Variants in EHBP1L1 observed in about 807,000 individuals in gnomAD.
EHBP1L1 encodes EH domain-binding protein 1-like protein 1.
In EHBP1L1, 122 loss-of-function variants were observed where a neutral mutation model predicts 151.1. The observed-to-expected ratio is 0.81, with a 90% CI of 0.70 to 0.94. The LOEUF (loss-of-function observed/expected upper bound fraction) is 0.94. Among genes scored for constraint, EHBP1L1 ranks in the 40% least tolerant of loss-of-function variants. The pLI, the probability that EHBP1L1 is intolerant of heterozygous loss-of-function variation, is 0.00. For synonymous variants in EHBP1L1, 878 were observed against 810.1 expected (o/e 1.08, Z -1.42); for missense variants, 1,941 against 1,959.8 (o/e 0.99, Z 0.18).
At position 65,592,464 on chromosome 11, in the gene EHBP1L1, A is replaced by C; in HGVS notation, c.*162A>C. 2.6e-5 allele frequency: 9 copies of C among 341,396 alleles called. No homozygotes were observed. Among genetic ancestry groups the C allele is most frequent in the East Asian group, 1.1e-4 (1 of 9,446 alleles). 21.1% of individuals were successfully genotyped at this position (341,396 alleles called of 1,614,324 possible). A position where few individuals can be genotyped will look rare whatever the true frequency, so the allele number is the denominator to read the frequency against. ...CAGGGCAGGGCGGATCCCCGACCCC[A>C]CGGGCGGGGCGGCCGCCGTATTTAT... On this transcript the variant is annotated 3_prime_UTR_variant, in exon 19 of 19. Coordinates refer to ENST00000309295, the MANE Select transcript of EHBP1L1 (RefSeq NM_001099409.3).
In EHBP1L1 at chr11:65,576,441, C is replaced by T. The variant is rs1857329721; in HGVS notation, c.104+35C>T. 6 of 1,534,348 alleles carry T rather than the reference C, an allele frequency of 3.9e-6. No individual in the cohort carries two copies. The African/African-American group carries it at 5.5e-5, about 14-fold the overall frequency. The stretch of plus-strand genomic sequence containing the variant: ...AGGGAGGCGGGGGGGCTCCCCCGAA[C>T]TTGCTGGGACCTCATCCGGCCCTTT... On this transcript the variant is annotated intron_variant, in intron 1 of 18. Coordinates refer to ENST00000309295, the MANE Select transcript of EHBP1L1 (RefSeq NM_001099409.3).
chr11:65,579,584 C>T (rs1857494312), intron 3 of EHBP1L1, 148 bp downstream of exon 3: 2 of 693,344 alleles, frequency 2.9e-6, no homozygotes, highest in Non-Finnish European at 4.6e-6. Flanking sequence ...CTCAGCATCA[C>T]TGGCCCAGGA....
chr11:65,592,344 C>A lies in EHBP1L1; in HGVS notation c.*42C>A. ...GGCCCATAACTTCTCGCGTCCCCGG[C>A]GTCCGCCGCCGCCCCGGGCCTGCGC... On this transcript the variant is annotated 3_prime_UTR_variant, in exon 19 of 19. Coordinates refer to ENST00000309295, the MANE Select transcript of EHBP1L1 (RefSeq NM_001099409.3). The A allele has an allele frequency of 9.0e-6, 12 of 1,326,970 alleles. No individual in the cohort carries two copies. Among genetic ancestry groups the A allele is most frequent in the Non-Finnish European group, 1.1e-5 (11 of 1,040,624 alleles). The allele number at this position is 1,326,970 out of a possible 1,614,324, so 82.2% of individuals were successfully genotyped here.
At chr11:65,580,624 G>A in intron 6 of EHBP1L1, 145 bp downstream of exon 6, 1 of 1,104,022 alleles carries the variant, frequency 9.1e-7, no homozygotes, top group Non-Finnish European at 1.3e-6. Context: ...AGCCTCAATT[G>A]TCCCAACCTG....
chr11:65,585,082 A>T lies in EHBP1L1; in HGVS notation c.3424A>T (p.Thr1142Ser). The T allele has an allele frequency of 1.3e-6, 2 of 1,539,838 alleles. No individual in the cohort carries two copies. The highest frequency in any genetic ancestry group is 1.2e-5 in the South Asian group (1 of 84,146). The part of the protein sequence containing the change: ...TYLCQIRAFC[T>S]GQELQLVQLE... ...CCTGTGCCAGATCCGCGCCTTCTGC[A>T]CCGGGCAGGAGCTGCAGCTGGTACA... Residue 1142 changes from threonine to serine, a missense_variant, in exon 12 of 19, where the codon ACC (threonine) becomes TCC (serine). By Grantham distance (58) the Thr-to-Ser change is moderately conservative. Coordinates refer to ENST00000309295, the MANE Select transcript of EHBP1L1 (RefSeq NM_001099409.3). The surrounding 1 kb of genome is among the most constrained non-coding windows in gnomAD (Gnocchi z 4.0).
chr11:65,590,079 A>AC lies in EHBP1L1; in HGVS notation c.4060-3dup, dbSNP rs1418080730. ...GTCCACCCTGTTCTCTGCCTTTTCCACCCCCAGCAACGGTTCCAGGACACA... is the reference window on the plus strand; with the variant it reads ...GTCCACCCTGTTCTCTGCCTTTTCCACCCCCCAGCAACGGTTCCAGGACACA... On this transcript the variant is annotated splice_polypyrimidine_tract_variant and splice_region_variant and intron_variant, in intron 14 of 18. Transcript: ENST00000309295. 1 of 1,613,380 alleles carries AC rather than the reference A, an allele frequency of 6.2e-7. No individual in the cohort carries two copies. The highest frequency in any genetic ancestry group is 8.5e-7 in the Non-Finnish European group (1 of 1,179,684).
chr11:65,591,602 C>T (rs1312778845), intron 16 of EHBP1L1, 198 bp from the exon 17 acceptor site: 1 of 627,184 alleles, frequency 1.6e-6, no homozygotes, highest in Non-Finnish European at 2.9e-6. Context: ...CACAAACACC[C>T]AGCAATTGGA....
Position 65,582,729 on chromosome 11 carries a change from G to A in EHBP1L1, c.2057G>A (p.Gly686Glu), listed in dbSNP as rs879022858. 3.1e-6 allele frequency: 5 copies of A among 1,613,438 alleles called. No individual in the cohort carries two copies. The Admixed American group carries it at 6.7e-5, about 22-fold the overall frequency. The change falls in exon 9 of 19, where the codon GGG (glycine) becomes GAG (glutamate). Residue 686 changes from glycine to glutamate, a missense_variant. By Grantham distance (98) the Gly-to-Glu change is moderately conservative (BLOSUM62 -2). Coordinates refer to ENST00000309295, the MANE Select transcript of EHBP1L1 (RefSeq NM_001099409.3). ...LVTQEISGDLGPLKIEDTIQS... is the reference protein window; with the variant it reads ...LVTQEISGDLEPLKIEDTIQS... ...ACCCAGGAGATATCTGGGGATTTAG[G>A]GCCACTGAAGATAGAAGATACAATA...
rs1362675049 is a variant in EHBP1L1 at position 65,584,417 on chromosome 11, G to A, written c.3251+19G>A. ...ACAAGATGTGAGCTGCCAGAGGGGTGGGAACGAATGGGGGAGCCATCAGGG... is the reference window on the plus strand; with the variant it reads ...ACAAGATGTGAGCTGCCAGAGGGGTAGGAACGAATGGGGGAGCCATCAGGG... On this transcript the variant is annotated intron_variant, in intron 10 of 18. Coordinates refer to ENST00000309295, the MANE Select transcript of EHBP1L1 (RefSeq NM_001099409.3). 1.4e-5 allele frequency: 23 copies of A among 1,613,516 alleles called. No homozygotes were observed. The highest frequency in any genetic ancestry group is 1.9e-5 in the Non-Finnish European group (23 of 1,179,770).
chr11:65,587,145 T>C (rs1404585305), intron 12 of EHBP1L1, among the ~76,000 whole-genome samples: 1 of 152,078 alleles, frequency 6.6e-6, no homozygotes, highest in African/African-American at 2.4e-5. Flanking sequence ...GAGGCAGAGG[T>C]GGGCAGATCA....
In EHBP1L1 at chr11:65,592,355, G is replaced by GC; in HGVS notation, c.*57dup. 7.8e-7 allele frequency: 1 copy of GC among 1,288,282 alleles called. No individual in the cohort carries two copies. The highest frequency in any genetic ancestry group is 9.9e-7 in the Non-Finnish European group (1 of 1,014,926). The allele number at this position is 1,288,282 out of a possible 1,614,324, so 79.8% of individuals were successfully genotyped here. On this transcript the variant is annotated 3_prime_UTR_variant, in exon 19 of 19. Coordinates refer to ENST00000309295, the MANE Select transcript of EHBP1L1 (RefSeq NM_001099409.3). ...TCTCGCGTCCCCGGCGTCCGCCGCC[G>GC]CCCCGGGCCTGCGCTGCGGACGACC...
rs977264800 is a variant in EHBP1L1 at position 65,576,514 on chromosome 11, C to A, written c.104+108C>A. ...CCCAGCCCAATGACCAAATGGGCCC[C>A]CACCCCAGCTTGGGCCCTGGTTCCG... On this transcript the variant is annotated intron_variant, in intron 1 of 18. Transcript: ENST00000309295. The A allele has an allele frequency of 1.5e-5, 15 of 972,590 alleles. No homozygotes were observed. In the African/African-American group the frequency reaches 2.0e-4, roughly 13 times the overall value. The allele number at this position is 972,590 out of a possible 1,614,324, so 60.2% of individuals were successfully genotyped here. A position where few individuals can be genotyped will look rare whatever the true frequency, so the allele number is the denominator to read the frequency against.
At position 65,581,040 on chromosome 11, in the gene EHBP1L1, C is replaced by G. The variant is rs142970959; in HGVS notation, c.635-18C>G. The G allele has an allele frequency of 3.0e-4, 472 of 1,592,148 alleles. 1 individual carries two copies. In the African/African-American group the frequency reaches 5.8e-3, roughly 20 times the overall value. ...CCTGGGCTGACTCTGCCCTTCTCCC[C>G]TCTCCTACCATTCCCAGATCCCTCT... On this transcript the variant is annotated intron_variant, in intron 6 of 18. Transcript: ENST00000309295.
rs1314144463 is a variant in EHBP1L1, at chr11:65,592,398, G to C, written c.*96G>C. 3 of 957,716 alleles carry C rather than the reference G, an allele frequency of 3.1e-6. No individual in the cohort carries two copies. The highest frequency in any genetic ancestry group is 3.9e-6 in the Non-Finnish European group (3 of 775,368). 59.3% of individuals were successfully genotyped at this position (957,716 alleles called of 1,614,324 possible). On this transcript the variant is annotated 3_prime_UTR_variant, in exon 19 of 19. Transcript: ENST00000309295. Reference sequence around the variant, plus strand: ...GGACGACCCGGCCGTCCCGGAGGCCGCGCGCGTGTCCGCTAGGGGCCGCCG... The same window carrying C: ...GGACGACCCGGCCGTCCCGGAGGCCCCGCGCGTGTCCGCTAGGGGCCGCCG...
rs769602786 is a variant in EHBP1L1 at position 65,581,759 on chromosome 11, G to A, written c.1087G>A (p.Glu363Lys). ...AHGARLGPSIEDKGSGDPFGR... is the reference protein window; with the variant it reads ...AHGARLGPSIKDKGSGDPFGR... ...TGGAGCTAGGCTGGGCCCGAGCATT[G>A]AGGATAAAGGTTCTGGAGACCCTTT... Residue 363 changes from glutamate to lysine, a missense_variant, in exon 9 of 19, where the codon GAG becomes AAG. Physicochemically the swap from Glu to Lys is moderately conservative, Grantham distance 56 (BLOSUM62 1). Coordinates refer to ENST00000309295, the MANE Select transcript of EHBP1L1 (RefSeq NM_001099409.3). The A allele has an allele frequency of 6.2e-6, 10 of 1,610,684 alleles. No individual in the cohort carries two copies. In the Admixed American group the frequency reaches 1.7e-4, roughly 27 times the overall value.
chr11:65,592,059 C>G lies in EHBP1L1; in HGVS notation c.4441C>G (p.Leu1481Val), dbSNP rs149986140. 4.5e-5 allele frequency: 72 copies of G among 1,613,432 alleles called. No homozygotes were observed. The highest frequency in any genetic ancestry group is 5.8e-5 in the Non-Finnish European group (68 of 1,179,668). Reference sequence around the variant, plus strand: ...GTCGCTGGTGAACCAGCGCGATGAGCTAGTCCGGGACCTGGACCACAAGGA... The same window carrying G: ...GTCGCTGGTGAACCAGCGCGATGAGGTAGTCCGGGACCTGGACCACAAGGA... Reference protein sequence around the residue: ...LVSLVNQRDELVRDLDHKERI... With the variant: ...LVSLVNQRDEVVRDLDHKERI... The change falls in exon 18 of 19, where the codon CTA (leucine) becomes GTA (valine). Residue 1481 changes from leucine (L) to valine (V), a missense_variant. Transcript: ENST00000309295.
At chr11:65,578,870 C>G (rs902967490) in intron 1 of EHBP1L1, among the ~76,000 whole-genome samples, 18 of 152,238 alleles carry the variant, frequency 1.2e-4, no homozygotes, top group Admixed American at 2.0e-4. Context: ...CTTTGCCCTT[C>G]TGCTCTGGCC....
intron 1 of EHBP1L1, 60 bp from the exon 2 acceptor site, chr11:65,579,018 G>C: frequency 6.7e-7 from 1 of 1,492,180 alleles, no homozygotes; most frequent in African/African-American, 1.4e-5. Context: ...GAGATGGGGA[G>C]GCAGGTGAGC....
chr11:65,576,346 C>A lies in EHBP1L1; in HGVS notation c.44C>A (p.Ala15Glu). 1 of 1,599,334 alleles carries A rather than the reference C, an allele frequency of 6.3e-7. No homozygotes were observed. Among genetic ancestry groups the A allele is most frequent in the Non-Finnish European group, 8.5e-7 (1 of 1,173,562 alleles). Residue 15 changes from alanine to glutamate, a missense_variant, in exon 1 of 19, where the codon GCG becomes GAG. Ala to Glu is a moderately radical substitution (Grantham distance 107). Transcript: ENST00000309295. ...CGCCTGCAGCGCGTGGGCAAGCGGG[C>A]GGCCAAGTTCCAGTTCGTGGCCTGT... ...WKRLQRVGKR[A>E]AKFQFVACYH...
Sources: gnomAD v4.1 joint callset for allele counts (sites outside exome capture counted in the v4.1 genomes callset) on GRCh38, gnomAD v4.1.1 for gene constraint, Gnocchi (gnomAD v3.1) non-coding constraint, MANE v1.5 for transcripts, NCBI Gene and HGNC (gene_info 2026-07-23, HGNC 2026-07-21) for gene names.